EXTL3: variants seen among roughly 807,000 people sequenced by gnomAD.
EXTL3 encodes the protein exostosin like glycosyltransferase 3.
A neutral mutation model predicts 69.3 loss-of-function variants in EXTL3; 27 were observed. The observed-to-expected ratio is 0.39, with a 90% CI of 0.29 to 0.54. The LOEUF is 0.54. EXTL3 is among the 20% of genes least tolerant of loss of function. The pLI is 0.69. For missense variants in EXTL3, 1,003 were observed against 1,231.8 expected (o/e 0.81, Z 2.78); for synonymous variants, 511 against 499.4 (o/e 1.02, Z -0.31).
intron 1 of EXTL3, among the ~76,000 whole-genome samples, chr8:28,642,514 A>G (rs1563433455): frequency 2.0e-5 from 3 of 150,334 alleles, no homozygotes; most frequent in Admixed American, 1.3e-4. Context: ...GCACTTTGGG[A>G]GGCTGAGGTG....
At chr8:28,635,907 G>T (rs1024998813) in intron 1 of EXTL3, among the ~76,000 whole-genome samples, 1 of 152,160 alleles carries the variant, frequency 6.6e-6, no homozygotes, top group Non-Finnish European at 1.5e-5. Context: ...TTTTAATAGA[G>T]ATGGGGTTTG....
At chr8:28,649,420 A>G (rs1386785194) in intron 1 of EXTL3, among the ~76,000 whole-genome samples, 1 of 152,202 alleles carries the variant, frequency 6.6e-6, no homozygotes, top group African/African-American at 2.4e-5. Flanking sequence ...ATTTTTTGCC[A>G]ATCTGATGCC....
At chr8:28,720,240 T>TA (rs1801267397) in intron 3 of EXTL3, among the ~76,000 whole-genome samples, 1 of 152,220 alleles carries the variant, frequency 6.6e-6, no homozygotes, top group Non-Finnish European at 1.5e-5. Flanking sequence ...ACTACTGTGA[T>TA]ACACCTCAGA....
chr8:28,720,679 A>G (rs973994161), intron 3 of EXTL3, among the ~76,000 whole-genome samples: 5 of 152,192 alleles, frequency 3.3e-5, no homozygotes, highest in South Asian at 2.1e-4. Flanking sequence ...TGGCGGGGCA[A>G]GGAGACAGGA....
intron 1 of EXTL3, among the ~76,000 whole-genome samples, chr8:28,680,044 T>A (rs1807455893): frequency 1.3e-5 from 2 of 151,970 alleles, no homozygotes; most frequent in South Asian, 4.1e-4. Flanking sequence ...TAGAATTTAA[T>A]ATTTGTGCTT....
intron 1 of EXTL3, among the ~76,000 whole-genome samples, chr8:28,663,105 T>C (rs1807142115): frequency 6.6e-6 from 1 of 152,160 alleles, no homozygotes; most frequent in African/African-American, 2.4e-5. Context: ...TTCAATGAGA[T>C]CTCCTTAGGC....
intron 5 of EXTL3, among the ~76,000 whole-genome samples, chr8:28,738,641 C>CT (rs1801705617): frequency 1.3e-5 from 2 of 152,158 alleles, no homozygotes; most frequent in African/African-American, 4.8e-5. Context: ...ACACAGAGCA[C>CT]CTCTTCTGTG....
chr8:28,653,562 G>T (rs1323733817), intron 1 of EXTL3, among the ~76,000 whole-genome samples: 1 of 152,106 alleles, frequency 6.6e-6, no homozygotes, highest in Non-Finnish European at 1.5e-5. Flanking sequence ...TAGGGTAAGG[G>T]TCTAACTTCA....
At chr8:28,720,797 T>C (rs1199951824) in intron 3 of EXTL3, among the ~76,000 whole-genome samples, 2 of 152,194 alleles carry the variant, frequency 1.3e-5, no homozygotes, top group African/African-American at 2.4e-5. Context: ...TCTCCCTTGC[T>C]CTTGTATATT....
intron 1 of EXTL3, among the ~76,000 whole-genome samples, chr8:28,655,913 A>G (rs1807002990): frequency 6.6e-6 from 1 of 152,142 alleles, no homozygotes; most frequent in Admixed American, 6.6e-5. Context: ...ACAGTAGTTG[A>G]GAGAGAGGAA....
intron 1 of EXTL3, among the ~76,000 whole-genome samples, chr8:28,687,477 A>C (rs1273050040): frequency 6.6e-6 from 1 of 152,188 alleles, no homozygotes; most frequent in Non-Finnish European, 1.5e-5. Flanking sequence ...AAAAGGAAAA[A>C]AAGAAAATGA....
chr8:28,676,552 A>G (rs1807385901), intron 1 of EXTL3, among the ~76,000 whole-genome samples: 1 of 152,264 alleles, frequency 6.6e-6, no homozygotes, highest in South Asian at 2.1e-4. Flanking sequence ...AAGCAACTGG[A>G]CATTCTTAGG....
In EXTL3 at chr8:28,625,024, A is replaced by G. The variant is rs573793147; in HGVS notation, c.-53+2214A>G. On this transcript the variant is annotated intron_variant, in intron 1 of 6. Transcript: ENST00000523149. ...TCTTCCAATGCCTGTATGCTTCCAAAAAGGCACAGCTGGCATACTTTTTGC... is the reference window on the plus strand; with the variant it reads ...TCTTCCAATGCCTGTATGCTTCCAAGAAGGCACAGCTGGCATACTTTTTGC... Among the ~76,000 whole-genome samples, 82 of 152,368 alleles carry G rather than the reference A, an allele frequency of 5.4e-4. 1 individual carries two copies. The highest frequency in any genetic ancestry group is 1.4e-3 in the Admixed American group (22 of 15,296).
intron 2 of EXTL3, among the ~76,000 whole-genome samples, chr8:28,616,089 G>T (rs1435965543): frequency 6.6e-6 from 1 of 152,020 alleles, no homozygotes; most frequent in Non-Finnish European, 1.5e-5. Flanking sequence ...AAAGAAAAAA[G>T]ATATCACTGG....
At chr8:28,618,024 G>A (rs1031066207), upstream of EXTL3, among the ~76,000 whole-genome samples, 10 of 152,102 alleles carry the variant, frequency 6.6e-5, no homozygotes, top group African/African-American at 1.4e-4. Context: ...TAATAGATAC[G>A]GAGTTTATCT....
intron 1 of EXTL3, among the ~76,000 whole-genome samples, chr8:28,664,611 G>T (rs576866316): frequency 5.5e-4 from 84 of 152,212 alleles, no homozygotes; most frequent in Non-Finnish European, 1.1e-3. Context: ...CTTGAACTGT[G>T]TCGGATGATT....
chr8:28,701,950 C>T lies in EXTL3; in HGVS notation c.-570+291C>T, dbSNP rs554853339. ...GCACCCCCTCCCCGCCCCCACACGC[C>T]CTCTCTCGTCCCAGTTTGGGCTGCT... is the stretch of plus-strand genomic sequence containing the variant. On this transcript the variant is annotated intron_variant, in intron 1 of 6. Transcript: ENST00000220562. Among the ~76,000 whole-genome samples the T allele has an allele frequency of 2.9e-3, 445 of 152,172 alleles. 1 individual carries two copies. Among genetic ancestry groups the T allele is most frequent in the African/African-American group, 9.8e-3 (406 of 41,534 alleles).
intron 1 of EXTL3, among the ~76,000 whole-genome samples, chr8:28,625,303 G>C (rs1279787042): frequency 6.6e-6 from 1 of 152,150 alleles, no homozygotes; most frequent in Non-Finnish European, 1.5e-5. Context: ...TGATGAAACA[G>C]AAACATCTCT....
At chr8:28,738,679 C>T (rs1801707432) in intron 5 of EXTL3, among the ~76,000 whole-genome samples, 1 of 152,232 alleles carries the variant, frequency 6.6e-6, no homozygotes, top group African/African-American at 2.4e-5. Context: ...GGACAGTGCT[C>T]CCATTAGCCT....
Sources: gnomAD v4.1 joint callset for allele counts (sites outside exome capture counted in the v4.1 genomes callset) on GRCh38, gnomAD v4.1.1 for gene constraint, MANE v1.5 for transcripts, NCBI Gene and HGNC (gene_info 2026-07-23, HGNC 2026-07-21) for gene names.